The following SYNPO2 variants were observed in gnomAD, a reference collection of about 807,000 sequenced individuals.
SYNPO2 encodes synaptopodin-2.
Under a neutral mutation model 85.0 loss-of-function variants are expected in SYNPO2, and 56 were observed. The ratio of observed to expected loss-of-function variants is 0.66; its 90% confidence interval spans 0.53 to 0.82. The LOEUF (loss-of-function observed/expected upper bound fraction) is 0.82. SYNPO2 is among the 40% of genes least tolerant of loss of function. The pLI is 0.00. For missense variants in SYNPO2, 1,575 were observed against 1,534.2 expected (o/e 1.03, Z -0.44); for synonymous variants, 602 against 591.1 (o/e 1.02, Z -0.27).
chr4:119,047,748 T>G (rs1414269612), intron 4 of SYNPO2, among the ~76,000 whole-genome samples: 3 of 152,234 alleles, frequency 2.0e-5, no homozygotes, highest in East Asian at 1.9e-4. Flanking sequence ...TATATCTCTA[T>G]GCAGAAATTT....
At chr4:118,942,601 T>TA (rs1734352509) in intron 1 of SYNPO2, among the ~76,000 whole-genome samples, 2 of 152,158 alleles carry the variant, frequency 1.3e-5, no homozygotes, top group Non-Finnish European at 2.9e-5. Context: ...ATGTATTACT[T>TA]AAAACCCTAT....
At chr4:119,041,872 G>T (rs895116574) in intron 4 of SYNPO2, among the ~76,000 whole-genome samples, 2 of 152,166 alleles carry the variant, frequency 1.3e-5, no homozygotes, top group African/African-American at 4.8e-5. Flanking sequence ...CTAGGTTTGG[G>T]TGGGACCTAG....
intron 1 of SYNPO2, among the ~76,000 whole-genome samples, chr4:118,868,498 GA>G (rs1311472966): frequency 7.2e-5 from 11 of 152,072 alleles, no homozygotes; most frequent in Admixed American, 2.6e-4. Context: ...TTTTGATAAA[GA>G]AATCTGCCTT....
At chr4:118,944,601 G>A (rs79389743) in intron 1 of SYNPO2, among the ~76,000 whole-genome samples, 29,581 of 151,848 alleles carry the variant, frequency 0.19, 3,485 homozygotes, top group South Asian at 0.32. Flanking sequence ...GATGGTTCAG[G>A]CCGTGTTTTA....
intron 1 of SYNPO2, among the ~76,000 whole-genome samples, chr4:118,978,964 C>T (rs1211434046): frequency 1.3e-5 from 2 of 152,156 alleles, no homozygotes; most frequent in African/African-American, 4.8e-5. Context: ...GCACACATAG[C>T]GCATTCTTAC....
chr4:118,998,948 G>A (rs1736721841), intron 1 of SYNPO2, among the ~76,000 whole-genome samples: 1 of 152,034 alleles, frequency 6.6e-6, no homozygotes, highest in Non-Finnish European at 1.5e-5. Flanking sequence ...GAGCACAGGA[G>A]GTCCTTTAAA....
intron 1 of SYNPO2, among the ~76,000 whole-genome samples, chr4:118,873,317 G>T (rs960340935): frequency 6.6e-6 from 1 of 152,112 alleles, no homozygotes; most frequent in African/African-American, 2.4e-5. Flanking sequence ...CACCAACAGT[G>T]TATAAGTGTT....
intron 1 of SYNPO2, among the ~76,000 whole-genome samples, chr4:119,018,663 G>T (rs746211879): frequency 7.9e-5 from 12 of 152,082 alleles, no homozygotes; most frequent in Non-Finnish European, 1.8e-4. Flanking sequence ...GACTGGGAAG[G>T]GTAGTAGAGA....
chr4:118,913,581 G>A (rs1733211525), intron 1 of SYNPO2, among the ~76,000 whole-genome samples: 1 of 151,912 alleles, frequency 6.6e-6, no homozygotes, highest in African/African-American at 2.4e-5. Flanking sequence ...GTGTGTGTGT[G>A]TGTGTGTGTG....
chr4:118,878,535 T>C (rs1731969856), intron 1 of SYNPO2, among the ~76,000 whole-genome samples: 1 of 152,150 alleles, frequency 6.6e-6, no homozygotes, highest in African/African-American at 2.4e-5. Context: ...TAAAGGATTG[T>C]AAACGCACCA....
At chr4:118,970,320 T>C (rs550621370) in intron 1 of SYNPO2, among the ~76,000 whole-genome samples, 60 of 152,336 alleles carry the variant, frequency 3.9e-4, no homozygotes, top group African/African-American at 1.4e-3. Flanking sequence ...AAATGTTTTA[T>C]TGAGAAATTT....
chr4:118,861,935 ATGGAC>A (rs1731618569), intron 1 of SYNPO2, among the ~76,000 whole-genome samples: 1 of 152,158 alleles, frequency 6.6e-6, no homozygotes, highest in Non-Finnish European at 1.5e-5. Context: ...TTCAGGTAGT[ATGGAC>A]ATTTTAACAA....
At chr4:118,931,115 T>C (rs928968441) in intron 1 of SYNPO2, among the ~76,000 whole-genome samples, 2 of 152,074 alleles carry the variant, frequency 1.3e-5, no homozygotes, top group Admixed American at 6.6e-5. Context: ...ATATCTTAGA[T>C]ACATGTTCAA....
intron 4 of SYNPO2, chr4:119,043,426 C>A (rs1341259710): frequency 6.6e-6 from 1 of 152,058 alleles, no homozygotes; most frequent in Admixed American, 6.6e-5. Context: ...TGAATTAATA[C>A]TAAAAGTGAA....
At chr4:118,989,551 C>T (rs901476187) in intron 1 of SYNPO2, among the ~76,000 whole-genome samples, 5 of 152,170 alleles carry the variant, frequency 3.3e-5, no homozygotes, top group Admixed American at 6.5e-5. Flanking sequence ...GTCACGGACT[C>T]GTTTTATTGA....
intron 1 of SYNPO2, among the ~76,000 whole-genome samples, chr4:118,869,038 T>C (rs556805529): frequency 5.0e-4 from 76 of 152,280 alleles, no homozygotes; most frequent in African/African-American, 1.8e-3. Flanking sequence ...ATGTTTATAA[T>C]CACTGTAGGA....
chr4:118,963,583 A>C (rs903957759), intron 1 of SYNPO2, among the ~76,000 whole-genome samples: 1 of 152,180 alleles, frequency 6.6e-6, no homozygotes, highest in African/African-American at 2.4e-5. Flanking sequence ...CAAGTAGCTG[A>C]GTCTACAGGT....
chr4:118,927,238 C>T (rs1372346235), intron 1 of SYNPO2, among the ~76,000 whole-genome samples: 1 of 152,080 alleles, frequency 6.6e-6, no homozygotes, highest in South Asian at 2.1e-4. Flanking sequence ...AAATTTCTGC[C>T]ATGGATATTT....
At chr4:118,968,529 T>G (rs1735400893) in intron 1 of SYNPO2, among the ~76,000 whole-genome samples, 1 of 152,220 alleles carries the variant, frequency 6.6e-6, no homozygotes, top group African/African-American at 2.4e-5. Flanking sequence ...AGGTCACAGC[T>G]AAGAAAGCAC....
Sources: gnomAD v4.1 joint callset for allele counts (sites outside exome capture counted in the v4.1 genomes callset) on GRCh38, gnomAD v4.1.1 for gene constraint, MANE v1.5 for transcripts, NCBI Gene and HGNC (gene_info 2026-07-23, HGNC 2026-07-21) for gene names.